OSGIN1: variants seen among roughly 807,000 people sequenced by gnomAD.
The protein encoded by OSGIN1 is oxidative stress-induced growth inhibitor 1.
Under a neutral mutation model 20.1 loss-of-function variants are expected in OSGIN1, and 19 were observed. The ratio of observed to expected loss-of-function variants is 0.95; its 90% CI spans 0.66 to 1.39. The LOEUF is 1.39. Ranked by LOEUF, OSGIN1 falls within the 40% of genes most tolerant of loss-of-function variation. The pLI is 0.00. For synonymous variants in OSGIN1, 368 were observed against 297.8 expected, an observed-to-expected ratio of 1.24 and a Z score of -2.43; for missense variants, 820 against 653.0, an observed-to-expected ratio of 1.26 and a Z score of -2.79.
rs769570515 is a variant in OSGIN1 at position 83,965,254 on chromosome 16, C to T, written c.681C>T (p.Thr227=). The part of the protein sequence containing the change: ...SPLFQVSGFL[T]RNQAQQPFSL... ...TCTTCCAGGTGAGCGGCTTCCTGACCAGGAACCAGGCCCAGCAGCCCTTCT... is the reference window on the plus strand; with the variant it reads ...TCTTCCAGGTGAGCGGCTTCCTGACTAGGAACCAGGCCCAGCAGCCCTTCT... The change falls in exon 6 of 6, where the codon ACC becomes ACT. Residue 227 remains threonine, a synonymous_variant. Coordinates refer to ENST00000393306, the MANE Select transcript of OSGIN1 (RefSeq NM_182981.3). The T allele has an allele frequency of 1.2e-6, 2 of 1,611,312 alleles. No individual in the cohort carries two copies. The highest frequency in any genetic ancestry group is 2.2e-5 in the South Asian group (2 of 90,978).
intron 5 of OSGIN1, among the ~76,000 whole-genome samples, chr16:83,962,602 C>T (rs947465129): frequency 1.3e-5 from 2 of 152,182 alleles, no homozygotes; most frequent in African/African-American, 4.8e-5. Flanking sequence ...CTCAGGAGGT[C>T]CTGATAACAT....
chr16:83,966,068 T>G lies in OSGIN1; in HGVS notation c.*61T>G, dbSNP rs563057546. On this transcript the variant is annotated 3_prime_UTR_variant, in exon 6 of 6. Transcript: ENST00000393306. ...AGGACAGAGATGACCACATCCCTGCTGGATGCAGGACCCGTCCAAAGATGC... is the reference window on the plus strand; with the variant it reads ...AGGACAGAGATGACCACATCCCTGCGGGATGCAGGACCCGTCCAAAGATGC... The G allele has an allele frequency of 1.3e-5, 17 of 1,305,248 alleles. No homozygotes were observed. In the South Asian group the frequency reaches 2.4e-4, roughly 18 times the overall value. The allele number at this position is 1,305,248 out of a possible 1,614,324, so 80.9% of individuals were successfully genotyped here. A position where few individuals can be genotyped will look rare whatever the true frequency, so the allele number is the denominator to read the frequency against.
chr16:83,959,208 T>A, intron 2 of OSGIN1, 52 bp from the exon 3 acceptor site: 2 of 1,353,982 alleles, frequency 1.5e-6, no homozygotes, highest in Non-Finnish European at 2.1e-6. Context: ...TCCACAGTAG[T>A]GTCCCCCACC....
chr16:83,959,334 C>T lies in OSGIN1; in HGVS notation c.142C>T (p.His48Tyr), dbSNP rs1909090677. The part of the protein sequence containing the change: ...YTPYTKPDAI[H>Y]PHPLLQRKLT... ...ACCCTACACGAAGCCAGATGCCATCCACCCACACCCCCTGCTGCAGAGGAA... is the reference window on the plus strand; with the variant it reads ...ACCCTACACGAAGCCAGATGCCATCTACCCACACCCCCTGCTGCAGAGGAA... The change falls in exon 3 of 6, where the codon CAC becomes TAC. Residue 48 changes from histidine to tyrosine, a missense_variant. Transcript: ENST00000393306. 3 of 1,613,800 alleles carry T rather than the reference C, an allele frequency of 1.9e-6. No homozygotes were observed. The highest frequency in any genetic ancestry group is 1.3e-5 in the African/African-American group (1 of 74,888).
chr16:83,953,421 C>A, intron 1 of OSGIN1, 51 bp downstream of exon 1: 2 of 1,280,860 alleles, frequency 1.6e-6, no homozygotes, highest in Non-Finnish European at 1.0e-6. Flanking sequence ...ACATCCCAGG[C>A]ACCCGTGGCA....
At chr16:83,959,103 G>C (rs1413657436) in intron 2 of OSGIN1, among the ~76,000 whole-genome samples, 157 bp from the exon 3 acceptor site, 1 of 152,106 alleles carries the variant, frequency 6.6e-6, no homozygotes, top group Non-Finnish European at 1.5e-5. Context: ...AGTATTATTA[G>C]GCACAGTGTC....
Position 83,965,795 on chromosome 16 carries a change from G to A in OSGIN1, c.1222G>A (p.Ala408Thr), listed in dbSNP as rs755519721. The A allele has an allele frequency of 1.9e-6, 3 of 1,613,022 alleles. No individual in the cohort carries two copies. The African/African-American group carries it at 4.0e-5, about 22-fold the overall frequency. ...SHPDLSFLPG[A>T]GADFAVDPDQ... ...CCCCGACCTCTCCTTCCTGCCTGGGGCAGGGGCTGACTTTGCAGTGGATCC... is the reference window on the plus strand; with the variant it reads ...CCCCGACCTCTCCTTCCTGCCTGGGACAGGGGCTGACTTTGCAGTGGATCC... Residue 408 changes from alanine to threonine, a missense_variant, in exon 6 of 6, where the codon GCA becomes ACA. Physicochemically the swap from Ala to Thr is moderately conservative, Grantham distance 58 (BLOSUM62 0). Transcript: ENST00000393306.
chr16:83,959,665 G>A (rs1046557441), intron 3 of OSGIN1, among the ~76,000 whole-genome samples: 2 of 152,130 alleles, frequency 1.3e-5, no homozygotes, highest in African/African-American at 4.8e-5. Flanking sequence ...GCAATGTCTG[G>A]AGACAATTTG....
chr16:83,961,098 G>A (rs1157214699), intron 5 of OSGIN1, 26 bp downstream of exon 5: 6 of 1,578,146 alleles, frequency 3.8e-6, no homozygotes, highest in Non-Finnish European at 5.2e-6. Context: ...AACGCCTTGG[G>A]GGACACGGAA....
Position 83,966,033 on chromosome 16 carries a change from A to C in OSGIN1, c.*26A>C, listed in dbSNP as rs540187165. 6.8e-7 allele frequency: 1 copy of C among 1,468,394 alleles called. No individual in the cohort carries two copies. The highest frequency in any genetic ancestry group is 1.3e-5 in the South Asian group (1 of 74,386). 91.0% of individuals were successfully genotyped at this position (1,468,394 alleles called of 1,614,324 possible). On this transcript the variant is annotated 3_prime_UTR_variant, in exon 6 of 6. Coordinates refer to ENST00000393306, the MANE Select transcript of OSGIN1 (RefSeq NM_182981.3). ...CACTCGGCCAGACCCGCTGGCTCCC[A>C]GGCCCTGAGAGGACAGAGATGACCA...
At chr16:83,956,797 T>G (rs1274809115) in intron 1 of OSGIN1, among the ~76,000 whole-genome samples, 2 of 152,218 alleles carry the variant, frequency 1.3e-5, no homozygotes, top group Admixed American at 1.3e-4. Flanking sequence ...GATGGCAGCA[T>G]GTGGCCCTCG....
At chr16:83,957,788 A>AC (rs1909010043) in intron 2 of OSGIN1, 50 bp downstream of exon 2, 3 of 1,102,622 alleles carry the variant, frequency 2.7e-6, no homozygotes, top group African/African-American at 1.6e-5. Flanking sequence ...CCTTCCGGGT[A>AC]CCCCCCAGGT....
chr16:83,966,057 C>T lies in OSGIN1; in HGVS notation c.*50C>T. 7.4e-7 allele frequency: 1 copy of T among 1,353,250 alleles called. No individual in the cohort carries two copies. The highest frequency in any genetic ancestry group is 1.5e-5 in the South Asian group (1 of 68,188). The allele number at this position is 1,353,250 out of a possible 1,614,324, so 83.8% of individuals were successfully genotyped here. On this transcript the variant is annotated 3_prime_UTR_variant, in exon 6 of 6. Transcript: ENST00000393306. Reference sequence around the variant, plus strand: ...CAGGCCCTGAGAGGACAGAGATGACCACATCCCTGCTGGATGCAGGACCCG... The same window carrying T: ...CAGGCCCTGAGAGGACAGAGATGACTACATCCCTGCTGGATGCAGGACCCG...
Position 83,965,237 on chromosome 16 carries a change from G to A in OSGIN1, c.664G>A (p.Val222Met). ...CCAGGACTCCAGCCCCCTCTTCCAG[G>A]TGAGCGGCTTCCTGACCAGGAACCA... ...GAQDSSPLFQVSGFLTRNQAQ... is the reference protein window; with the variant it reads ...GAQDSSPLFQMSGFLTRNQAQ... Residue 222 changes from valine to methionine, a missense_variant, in exon 6 of 6, where the codon GTG becomes ATG. Transcript: ENST00000393306. The A allele has an allele frequency of 6.2e-7, 1 of 1,612,502 alleles. No homozygotes were observed. Among genetic ancestry groups the A allele is most frequent in the Non-Finnish European group, 8.5e-7 (1 of 1,179,712 alleles).
rs139523057 is a variant in OSGIN1 at position 83,960,596 on chromosome 16, G to A, written c.232G>A (p.Glu78Lys). The change falls in exon 4 of 6, where the codon GAA (glutamate) becomes AAA (lysine). Residue 78 changes from glutamate to lysine, a missense_variant. Glu to Lys is a moderately conservative substitution (Grantham distance 56). Coordinates refer to ENST00000393306, the MANE Select transcript of OSGIN1 (RefSeq NM_182981.3). ...CCTGGACTACCTGTCCGAAGGCCTC[G>A]AAGGCCGATCCCAAAGCCCCGTGGC... The part of the protein sequence containing the change: ...QDLDYLSEGL[E>K]GRSQSPVALL... 80 of 1,613,348 alleles carry A rather than the reference G, an allele frequency of 5.0e-5. No homozygotes were observed. Among genetic ancestry groups the A allele is most frequent in the Middle Eastern group, 3.3e-4 (2 of 6,062 alleles).
chr16:83,963,583 G>A (rs117406275), intron 5 of OSGIN1, among the ~76,000 whole-genome samples: 50 of 152,306 alleles, frequency 3.3e-4, no homozygotes, highest in Non-Finnish European at 6.8e-4. Flanking sequence ...GGACCGTTCT[G>A]TGTCACAATC....
intron 5 of OSGIN1, among the ~76,000 whole-genome samples, chr16:83,962,674 C>T (rs2084230411): frequency 6.6e-6 from 1 of 152,238 alleles, no homozygotes; most frequent in African/African-American, 2.4e-5. Flanking sequence ...AGACATCAAT[C>T]ACTATATGTA....
At chr16:83,960,274 A>G (rs1462167472) in intron 3 of OSGIN1, among the ~76,000 whole-genome samples, 2 of 152,218 alleles carry the variant, frequency 1.3e-5, no homozygotes, top group African/African-American at 4.8e-5. Context: ...GTTAAGAGGC[A>G]GCACCTCCCA....
chr16:83,961,518 C>A (rs962063747), intron 5 of OSGIN1, among the ~76,000 whole-genome samples: 2 of 152,136 alleles, frequency 1.3e-5, no homozygotes, highest in Non-Finnish European at 2.9e-5. Flanking sequence ...CAGTTCTCAG[C>A]TTGACTTTTC....
Sources: gnomAD v4.1 joint callset for allele counts (sites outside exome capture counted in the v4.1 genomes callset) on GRCh38, gnomAD v4.1.1 for gene constraint, MANE v1.5 for transcripts, NCBI Gene and HGNC (gene_info 2026-07-23, HGNC 2026-07-21) for gene names.